The following SCN11A variants were observed in gnomAD, a reference collection of about 807,000 sequenced individuals.
The protein encoded by SCN11A is sodium voltage-gated channel alpha subunit 11, also known as sodium channel protein type 11 subunit alpha.
SCN11A carries 122 observed loss-of-function variants against 162.2 expected under a neutral mutation model. The observed-to-expected ratio is 0.75, with a 90% CI of 0.65 to 0.87. The LOEUF (loss-of-function observed/expected upper bound fraction) is 0.87. Among genes scored for constraint, SCN11A ranks in the 40% least tolerant of loss-of-function variants. The pLI is 0.00. For synonymous variants in SCN11A, 758 were observed against 751.5 expected (o/e 1.01, Z -0.14); for missense variants, 2,015 against 2,181.6 (o/e 0.92, Z 1.52).
chr3:38,991,469 G>GT (rs2030449956), intron 2 of SCN11A, among the ~76,000 whole-genome samples: 1 of 152,148 alleles, frequency 6.6e-6, no homozygotes, highest in Non-Finnish European at 1.5e-5. Flanking sequence ...ACTCACAACT[G>GT]TGTGTTTGCG....
chr3:38,929,884 G>C (rs2066214069), intron 7 of SCN11A, among the ~76,000 whole-genome samples: 1 of 152,182 alleles, frequency 6.6e-6, no homozygotes, highest in Admixed American at 6.5e-5. Flanking sequence ...ACCCTCACCA[G>C]ATACAGACCC....
rs1449441745 is a variant in SCN11A at position 38,885,214 on chromosome 3, C to T, written c.3064+74G>A. 12 of 862,472 alleles carry T rather than the reference C, an allele frequency of 1.4e-5. No individual in the cohort carries two copies. The Admixed American group carries it at 2.0e-4, about 14-fold the overall frequency. 53.4% of individuals were successfully genotyped at this position (862,472 alleles called of 1,614,324 possible). On this transcript the variant is annotated intron_variant, in intron 21 of 29. Coordinates refer to ENST00000302328, the MANE Select transcript of SCN11A (RefSeq NM_001349253.2). ...GTAGAAAGATGATATCTACTAAAAC[C>T]ACAGAGCTTCAAAGAAGAACAGAAA... is the stretch of plus-strand genomic sequence containing the variant.
chr3:39,026,406 C>T (rs1337105913), intron 2 of SCN11A, among the ~76,000 whole-genome samples: 1 of 152,230 alleles, frequency 6.6e-6, no homozygotes, highest in Admixed American at 6.5e-5. Flanking sequence ...TGAACTACAA[C>T]CTCGCCGGGT....
chr3:38,877,065 ATATATATGGTGTATATACTATATATATG>A lies in SCN11A; in HGVS notation c.3393+2857_3393+2884del, dbSNP rs2065223352. 4.6e-5 allele frequency among the ~76,000 whole-genome samples: 6 copies of A among 131,072 alleles called. No individual in the cohort carries two copies. The South Asian group carries it at 1.2e-3, about 25-fold the overall frequency. The allele number at this position is 131,072 out of a possible 152,430, so 86.0% of individuals were successfully genotyped here. On this transcript the variant is annotated intron_variant, in intron 23 of 29. Coordinates refer to ENST00000302328, the MANE Select transcript of SCN11A (RefSeq NM_001349253.2). ...ATGGTGTATATACTATATATATGGTATATATATGGTGTATATACTATATATATGGTATATATATGGTGTATATACTATA... is the reference window on the plus strand; with the variant it reads ...ATGGTGTATATACTATATATATGGTAGTATATATATGGTGTATATACTATA...
At chr3:38,895,775 G>A (rs755210371) in intron 18 of SCN11A, among the ~76,000 whole-genome samples, 17 of 151,692 alleles carry the variant, frequency 1.1e-4, no homozygotes, top group Non-Finnish European at 2.2e-4. Context: ...CATATAAGTG[G>A]TCTTCTCAAG....
chr3:38,914,005 AC>A (rs1193361324), intron 11 of SCN11A, among the ~76,000 whole-genome samples: 2 of 152,230 alleles, frequency 1.3e-5, no homozygotes, highest in Non-Finnish European at 2.9e-5. Flanking sequence ...AAATTTTAAA[AC>A]AGCATTTTTT....
chr3:38,902,343 C>A (rs559804066), intron 16 of SCN11A, among the ~76,000 whole-genome samples: 26 of 152,242 alleles, frequency 1.7e-4, no homozygotes. Flanking sequence ...CTAACCCATT[C>A]ACACCCACAA....
intron 24 of SCN11A, 32 bp downstream of exon 24, chr3:38,872,161 T>A (rs376104469): frequency 8.0e-7 from 1 of 1,256,910 alleles, no homozygotes; most frequent in South Asian, 1.2e-5. Context: ...CTCTGTTAAC[T>A]GAACTTCTAC....
intron 9 of SCN11A, among the ~76,000 whole-genome samples, chr3:38,924,091 A>T (rs780967339): frequency 9.9e-5 from 15 of 152,158 alleles, no homozygotes; most frequent in Non-Finnish European, 2.1e-4. Flanking sequence ...CGGGATCTTT[A>T]GTCCACTGTG....
intron 2 of SCN11A, among the ~76,000 whole-genome samples, chr3:38,982,139 G>C (rs2030081365): frequency 6.6e-6 from 1 of 152,234 alleles, no homozygotes; most frequent in African/African-American, 2.4e-5. Context: ...GACACGTAGT[G>C]CAAAAGGAGA....
At chr3:39,020,090 A>G (rs1318867981) in intron 2 of SCN11A, among the ~76,000 whole-genome samples, 1 of 152,184 alleles carries the variant, frequency 6.6e-6, no homozygotes, top group Non-Finnish European at 1.5e-5. Context: ...CTAAGGCTCA[A>G]TTTCTTCATT....
intron 2 of SCN11A, among the ~76,000 whole-genome samples, chr3:38,989,566 G>A (rs571716854): frequency 2.0e-5 from 3 of 152,314 alleles, no homozygotes; most frequent in East Asian, 3.9e-4. Flanking sequence ...TGGTGCTTTT[G>A]AAGAATGTGC....
At chr3:38,911,475 A>T (rs915041838) in intron 11 of SCN11A, among the ~76,000 whole-genome samples, 2 of 152,126 alleles carry the variant, frequency 1.3e-5, no homozygotes, top group Non-Finnish European at 2.9e-5. Context: ...TGCCATGATA[A>T]TGTCCTTGGC....
intron 2 of SCN11A, among the ~76,000 whole-genome samples, chr3:39,017,151 G>A (rs570296799): frequency 6.6e-6 from 1 of 152,234 alleles, no homozygotes; most frequent in South Asian, 2.1e-4. Context: ...ACACAAGAGA[G>A]CTTGCTTCTT....
At chr3:39,038,928 C>T (rs1250229622) in intron 1 of SCN11A, among the ~76,000 whole-genome samples, 2 of 152,196 alleles carry the variant, frequency 1.3e-5, no homozygotes, top group Non-Finnish European at 2.9e-5. Context: ...CTTCCTTTCT[C>T]TACTAGCGAT....
intron 2 of SCN11A, among the ~76,000 whole-genome samples, chr3:38,984,970 G>C (rs1257655440): frequency 6.6e-6 from 1 of 151,292 alleles, no homozygotes; most frequent in Non-Finnish European, 1.5e-5. Context: ...AAGCATAGTA[G>C]GAGATGAGGC....
chr3:38,933,601 A>T lies in SCN11A; in HGVS notation c.489-6670T>A, dbSNP rs955317909. Among the ~76,000 whole-genome samples the T allele has an allele frequency of 5.2e-4, 79 of 152,380 alleles. 1 individual carries two copies. Among genetic ancestry groups the T allele is most frequent in the African/African-American group, 1.9e-3 (78 of 41,594 alleles). ...TTCAGAAGCCTCAGGAGCTGATGTG[A>T]TCAACTGGAAGAAAGGGTATCAGTG... On this transcript the variant is annotated intron_variant, in intron 7 of 29. Transcript: ENST00000302328.
Position 38,894,310 on chromosome 3 carries a change from T to C in SCN11A, c.2835+223A>G, listed in dbSNP as rs986505090. ...CTCCCCCTGTCATCCCAGCCCACTC[T>C]GATTTTGCTCCCCTCTGAACTCTTC... On this transcript the variant is annotated intron_variant, in intron 19 of 29. Transcript: ENST00000302328. Among the ~76,000 whole-genome samples the C allele has an allele frequency of 3.3e-5, 5 of 152,188 alleles. No individual in the cohort carries two copies. The East Asian group carries it at 5.8e-4, about 18-fold the overall frequency.
In SCN11A at chr3:38,886,209, C is replaced by T. The variant is rs2065397475; in HGVS notation, c.2865G>A (p.Lys955=). 2 of 1,612,672 alleles carry T rather than the reference C, an allele frequency of 1.2e-6. No homozygotes were observed. Among genetic ancestry groups the T allele is most frequent in the African/African-American group, 2.7e-5 (2 of 74,882 alleles). Residue 955 remains lysine, a synonymous_variant, in exon 20 of 30, where the codon AAG becomes AAA. Transcript: ENST00000302328. ...QAYELHQENK[K]PTSQRVQSVE... ...CACTTTGAACTCTCTGGCTCGTGGGCTTCTTGTTCTCCTGATGGAGCTCAT... is the reference window on the plus strand; with the variant it reads ...CACTTTGAACTCTCTGGCTCGTGGGTTTCTTGTTCTCCTGATGGAGCTCAT...
Sources: allele counts gnomAD v4.1 joint callset (sites outside exome capture counted in the v4.1 genomes callset), GRCh38; gene constraint gnomAD v4.1.1; transcripts MANE v1.5; gene names NCBI Gene and HGNC (gene_info 2026-07-23, HGNC 2026-07-21).